ZRANB3: variants seen among roughly 807,000 people sequenced by gnomAD.
ZRANB3 encodes the protein zinc finger RANBP2-type containing 3.
A neutral mutation model predicts 133.8 loss-of-function variants in ZRANB3; 125 were observed. The observed-to-expected ratio is 0.93, with a 90% CI of 0.81 to 1.08. ZRANB3 has a LOEUF of 1.08. ZRANB3 is among the 50% of genes least tolerant of loss of function. The probability of loss-of-function intolerance (pLI) is 0.00; values close to 1 mark genes in which losing one functional copy is unlikely to be tolerated. For synonymous variants in ZRANB3, 387 were observed against 432.7 expected, an observed-to-expected ratio of 0.89 and a Z score of 1.31; for missense variants, 1,229 against 1,275.5, an observed-to-expected ratio of 0.96 and a Z score of 0.56.
At chr2:135,282,829 C>T (rs549885078) in intron 8 of ZRANB3, among the ~76,000 whole-genome samples, 2 of 152,262 alleles carry the variant, frequency 1.3e-5, no homozygotes, top group East Asian at 3.9e-4. Context: ...CATTATCAAT[C>T]AATCTATCAA....
intron 2 of ZRANB3, among the ~76,000 whole-genome samples, chr2:135,416,709 T>C (rs956725103): frequency 5.9e-5 from 9 of 151,938 alleles, no homozygotes; most frequent in African/African-American, 2.2e-4. Flanking sequence ...CTTCAAACTA[T>C]ACTACAAGGC....
intron 8 of ZRANB3, among the ~76,000 whole-genome samples, chr2:135,281,208 G>T (rs1381339466): frequency 1.3e-5 from 2 of 152,172 alleles, no homozygotes; most frequent in Admixed American, 6.5e-5. Context: ...GTTTTAACAA[G>T]TCAGAATAAT....
chr2:135,416,431 A>G (rs1688577198), intron 2 of ZRANB3, among the ~76,000 whole-genome samples: 1 of 152,238 alleles, frequency 6.6e-6, no homozygotes, highest in African/African-American at 2.4e-5. Context: ...AAGGAGAACT[A>G]CAAACCACTG....
chr2:135,223,880 C>T (rs1573703352), intron 15 of ZRANB3, among the ~76,000 whole-genome samples: 1 of 152,156 alleles, frequency 6.6e-6, no homozygotes, highest in East Asian at 1.9e-4. Context: ...TGCTGCTGCT[C>T]CTGCTGCTGC....
intron 12 of ZRANB3, among the ~76,000 whole-genome samples, chr2:135,240,953 C>T (rs1021463867): frequency 7.2e-5 from 11 of 152,118 alleles, no homozygotes; most frequent in African/African-American, 2.4e-4. Context: ...CCTTGGTAGG[C>T]TGCACATTTT....
At chr2:135,500,117 A>C (rs908048209) in intron 2 of ZRANB3, among the ~76,000 whole-genome samples, 1 of 152,082 alleles carries the variant, frequency 6.6e-6, no homozygotes, top group African/African-American at 2.4e-5. Flanking sequence ...CCACACCTTA[A>C]TTTTGGACTG....
chr2:135,398,864 G>T (rs1687616386), intron 2 of ZRANB3, among the ~76,000 whole-genome samples: 1 of 152,084 alleles, frequency 6.6e-6, no homozygotes, highest in African/African-American at 2.4e-5. Context: ...TTGGATTTCT[G>T]TGTAAACTGG....
At chr2:135,517,932 C>G (rs1047728879) in intron 1 of ZRANB3, among the ~76,000 whole-genome samples, 9 of 152,124 alleles carry the variant, frequency 5.9e-5, no homozygotes, top group Non-Finnish European at 7.4e-5. Flanking sequence ...GACTGGGGCT[C>G]CTTTCTTTTG....
intron 2 of ZRANB3, among the ~76,000 whole-genome samples, chr2:135,398,038 GTTCT>G (rs1441270335): frequency 1.3e-5 from 2 of 152,028 alleles, no homozygotes; most frequent in East Asian, 3.9e-4. Flanking sequence ...TTACATACCT[GTTCT>G]TTTTCTTTTT....
intron 17 of ZRANB3, among the ~76,000 whole-genome samples, chr2:135,213,331 T>C (rs1422206501): frequency 2.0e-5 from 3 of 152,194 alleles, no homozygotes; most frequent in Non-Finnish European, 2.9e-5. Context: ...AGAAAGTAAA[T>C]TGATAGGACA....
intron 12 of ZRANB3, among the ~76,000 whole-genome samples, chr2:135,261,637 T>C (rs1679970964): frequency 6.6e-6 from 1 of 152,196 alleles, no homozygotes; most frequent in South Asian, 2.1e-4. Flanking sequence ...TATACAAATA[T>C]ATATTTTTCT....
intron 2 of ZRANB3, among the ~76,000 whole-genome samples, chr2:135,441,085 C>T (rs1270935094): frequency 6.6e-6 from 1 of 152,016 alleles, no homozygotes. Context: ...TCCGAAACTT[C>T]CCAAATCTGA....
At chr2:135,435,639 C>G (rs937076971) in intron 2 of ZRANB3, among the ~76,000 whole-genome samples, 12 of 152,180 alleles carry the variant, frequency 7.9e-5, no homozygotes, top group African/African-American at 2.7e-4. Context: ...TTCTCCGTAA[C>G]CTTGCCCACA....
At chr2:135,494,621 C>T (rs767636647) in intron 2 of ZRANB3, among the ~76,000 whole-genome samples, 1 of 152,152 alleles carries the variant, frequency 6.6e-6, no homozygotes. Flanking sequence ...TACAGTGAAA[C>T]TGGACCAAAC....
intron 1 of ZRANB3, among the ~76,000 whole-genome samples, chr2:135,505,577 GAA>G (rs201142526): frequency 4.3e-5 from 6 of 138,598 alleles, no homozygotes; most frequent in South Asian, 2.3e-4. Flanking sequence ...CTGTCTCAAG[GAA>G]AAAAAAAAAA....
chr2:135,200,359 A>C lies in ZRANB3; in HGVS notation c.3223T>G (p.Phe1075Val), dbSNP rs766340441. The change falls in exon 21 of 21, where the codon TTT (phenylalanine) becomes GTT (valine). Residue 1075 changes from phenylalanine to valine, a missense_variant. By Grantham distance (50) the Phe-to-Val change is conservative. Coordinates refer to ENST00000264159, the MANE Select transcript of ZRANB3 (RefSeq NM_032143.4). ...ASKHGSDITRFLVKK is the reference protein window; with the variant it reads ...ASKHGSDITRVLVKK ...TTTCTACTTTACTTCTTTACCAAAAATCGTGTGATGTCTGATCCATGCTTT... is the reference window on the plus strand; with the variant it reads ...TTTCTACTTTACTTCTTTACCAAAACTCGTGTGATGTCTGATCCATGCTTT... The C allele has an allele frequency of 1.2e-5, 19 of 1,600,350 alleles. No homozygotes were observed. Among genetic ancestry groups the C allele is most frequent in the Non-Finnish European group, 1.5e-5 (18 of 1,172,878 alleles).
In ZRANB3 at chr2:135,209,034, T is replaced by C. The variant is rs1031478221; in HGVS notation, c.2496-56A>G. 2.7e-6 allele frequency: 4 copies of C among 1,508,744 alleles called. No homozygotes were observed. The South Asian group carries it at 4.6e-5, about 17-fold the overall frequency. 93.5% of individuals were successfully genotyped at this position (1,508,744 alleles called of 1,614,324 possible). On this transcript the variant is annotated intron_variant, in intron 17 of 20. Coordinates refer to ENST00000264159, the MANE Select transcript of ZRANB3 (RefSeq NM_032143.4). ...TCTATCTCATATAAAAATGTCTCTA[T>C]TGCATGTTTACATTGTTCCTTGCAA...
chr2:135,235,304 C>T (rs1427522629), intron 12 of ZRANB3, among the ~76,000 whole-genome samples: 1 of 152,040 alleles, frequency 6.6e-6, no homozygotes, highest in Admixed American at 6.5e-5. Flanking sequence ...AATAGCTTAC[C>T]AACCAAAAAA....
intron 8 of ZRANB3, among the ~76,000 whole-genome samples, chr2:135,289,926 A>G (rs1681601164): frequency 6.6e-6 from 1 of 152,018 alleles, no homozygotes; most frequent in African/African-American, 2.4e-5. Flanking sequence ...AAAACATTCG[A>G]TTTTCTGAAA....
Sources: gnomAD v4.1 joint callset for allele counts (sites outside exome capture counted in the v4.1 genomes callset) on GRCh38, gnomAD v4.1.1 for gene constraint, MANE v1.5 for transcripts, NCBI Gene and HGNC (gene_info 2026-07-23, HGNC 2026-07-21) for gene names.